The following CACNB2 variants were observed in gnomAD, a reference collection of about 807,000 sequenced individuals.
The protein encoded by CACNB2 is voltage-dependent L-type calcium channel subunit beta-2.
CACNB2 carries 42 observed loss-of-function variants against 73.3 expected under a neutral mutation model. The observed-to-expected ratio is 0.57, with a 90% confidence interval of 0.45 to 0.74. The LOEUF (loss-of-function observed/expected upper bound fraction) is 0.74, where lower values mean the gene tolerates loss of function less well. Among genes scored for constraint, CACNB2 ranks in the 30% least tolerant of loss-of-function variants. The probability of loss-of-function intolerance (pLI) is 0.00; values close to 1 mark genes in which losing one functional copy is unlikely to be tolerated. For missense variants in CACNB2, 940 were observed against 853.0 expected (o/e 1.10, Z -1.27); for synonymous variants, 348 against 310.3 (o/e 1.12, Z -1.28).
At chr10:18,368,634 T>C (rs1337024643) in intron 2 of CACNB2, among the ~76,000 whole-genome samples, 1 of 152,202 alleles carries the variant, frequency 6.6e-6, no homozygotes, top group African/African-American at 2.4e-5. Flanking sequence ...TGTTATTTTT[T>C]TAATAAAAGA....
intron 2 of CACNB2, among the ~76,000 whole-genome samples, chr10:18,370,811 G>A (rs2042548432): frequency 6.6e-6 from 1 of 152,022 alleles, no homozygotes; most frequent in African/African-American, 2.4e-5. Context: ...GGGCATTTAG[G>A]TTGTTTTACA....
At chr10:18,441,958 A>G (rs1319436568) in intron 3 of CACNB2, among the ~76,000 whole-genome samples, 1 of 152,206 alleles carries the variant, frequency 6.6e-6, no homozygotes, top group African/African-American at 2.4e-5. Context: ...TGTTGTATAC[A>G]TATACAGTTA....
At chr10:18,221,299 CTG>C (rs1321844289) in intron 2 of CACNB2, among the ~76,000 whole-genome samples, 4 of 152,154 alleles carry the variant, frequency 2.6e-5, no homozygotes, top group African/African-American at 7.2e-5. Flanking sequence ...TCAGAATTGA[CTG>C]TTACTCATAC....
intron 3 of CACNB2, among the ~76,000 whole-genome samples, chr10:18,416,027 G>A (rs937006709): frequency 1.3e-5 from 2 of 152,032 alleles, no homozygotes; most frequent in African/African-American, 2.4e-5. Context: ...CAGAGTGTCC[G>A]TCACCCAAGT....
At chr10:18,405,001 T>C (rs79464051) in intron 3 of CACNB2, among the ~76,000 whole-genome samples, 2 of 152,238 alleles carry the variant, frequency 1.3e-5, no homozygotes, top group Non-Finnish European at 2.9e-5. Context: ...TGTACAGTTA[T>C]GGCATACTTT....
intron 3 of CACNB2, among the ~76,000 whole-genome samples, chr10:18,452,054 C>T (rs551954015): frequency 3.5e-4 from 53 of 152,330 alleles, no homozygotes; most frequent in African/African-American, 1.3e-3. Flanking sequence ...CTAATTCTAT[C>T]TCCTATAAAA....
At chr10:18,289,893 C>T (rs1193836371) in intron 2 of CACNB2, among the ~76,000 whole-genome samples, 2 of 151,850 alleles carry the variant, frequency 1.3e-5, no homozygotes, top group Non-Finnish European at 2.9e-5. Context: ...TTCTTAGACA[C>T]ATAAGGGCAA....
chr10:18,488,474 C>CAAAAAAAAAAAAAAAAAAAAAAAAA (rs59931967), intron 3 of CACNB2, among the ~76,000 whole-genome samples: 1 of 67,966 alleles, frequency 1.5e-5, no homozygotes, highest in Non-Finnish European at 2.6e-5. Context: ...GACTCCATCT[C>CAAAAAAAAAAAAAAAAAAAAAAAAA]AAAAAAAAAA....
intron 3 of CACNB2, among the ~76,000 whole-genome samples, chr10:18,454,082 T>G (rs898045443): frequency 6.6e-6 from 1 of 152,146 alleles, no homozygotes; most frequent in African/African-American, 2.4e-5. Context: ...ATGAAGACAG[T>G]CTCTATTCTC....
In CACNB2 at chr10:18,433,227, T is replaced by C. The variant is rs558825030; in HGVS notation, c.333+31184T>C. ...AAGATGATCAAGATAGAGTATTTCATGCAAGGGGACCGGCATATTCCCAAG... is the reference window on the plus strand; with the variant it reads ...AAGATGATCAAGATAGAGTATTTCACGCAAGGGGACCGGCATATTCCCAAG... On this transcript the variant is annotated intron_variant, in intron 3 of 13. Coordinates refer to ENST00000324631, the MANE Select transcript of CACNB2 (RefSeq NM_201596.3). Among the ~76,000 whole-genome samples the C allele has an allele frequency of 3.3e-5, 5 of 152,316 alleles. No homozygotes were observed. In the South Asian group the frequency reaches 1.0e-3, roughly 32 times the overall value.
chr10:18,438,716 G>A (rs2046272066), intron 3 of CACNB2, among the ~76,000 whole-genome samples: 1 of 152,230 alleles, frequency 6.6e-6, no homozygotes, highest in Non-Finnish European at 1.5e-5. Flanking sequence ...GGTTTGCTTT[G>A]CTTTAAAACA....
intron 4 of CACNB2, among the ~76,000 whole-genome samples, chr10:18,499,334 AG>A (rs2133019178): frequency 6.6e-6 from 1 of 152,270 alleles, no homozygotes; most frequent in East Asian, 1.9e-4. Context: ...AAAAGAACCT[AG>A]GGCTGGGCCC....
At chr10:18,370,665 T>C (rs545320817) in intron 2 of CACNB2, among the ~76,000 whole-genome samples, 5 of 152,342 alleles carry the variant, frequency 3.3e-5, no homozygotes, top group South Asian at 2.1e-4. Context: ...GAAGTCCTCA[T>C]AGGGCTGGGG....
chr10:18,297,037 T>C (rs2039308432), intron 2 of CACNB2, among the ~76,000 whole-genome samples: 1 of 152,238 alleles, frequency 6.6e-6, no homozygotes, highest in Admixed American at 6.5e-5. Context: ...AAGTAATTTG[T>C]TAAAATCGTT....
chr10:18,220,232 T>TATAGAGAGAGAGAGAGAGAG (rs1488872721), intron 2 of CACNB2, among the ~76,000 whole-genome samples: 1 of 25,084 alleles, frequency 4.0e-5, no homozygotes, highest in Non-Finnish European at 6.2e-5. Context: ...TATATATATA[T>TATAGAGAGAGAGAGAGAGAG]AGAGAGAGAG....
In CACNB2 at chr10:18,536,148, C is replaced by A; in HGVS notation, c.1254C>A (p.His418Gln). The stretch of plus-strand genomic sequence containing the variant: ...CTCGAGGGAAATCTCAAGCTAAACA[C>A]CTCAACGTCCAGATGGTAGCAGCTG... ...IKSRGKSQAK[H>Q]LNVQMVAADK... is the part of the protein sequence containing the mutation. The change falls in exon 12 of 14, where the codon CAC (histidine) becomes CAA (glutamine). Residue 418 changes from histidine to glutamine, a missense_variant. His to Gln is a conservative substitution (Grantham distance 24, BLOSUM62 0). Transcript: ENST00000324631. 2 of 1,611,674 alleles carry A rather than the reference C, an allele frequency of 1.2e-6. No individual in the cohort carries two copies. The highest frequency in any genetic ancestry group is 1.7e-4 in the Middle Eastern group (1 of 6,050).
chr10:18,213,556 T>C (rs1259933607), intron 2 of CACNB2, among the ~76,000 whole-genome samples: 1 of 152,250 alleles, frequency 6.6e-6, no homozygotes, highest in East Asian at 1.9e-4. Flanking sequence ...CTATTTTTCC[T>C]ACTTCTTTCC....
chr10:18,404,281 A>G (rs769525156), intron 3 of CACNB2, among the ~76,000 whole-genome samples: 38 of 152,174 alleles, frequency 2.5e-4, no homozygotes, highest in Non-Finnish European at 5.1e-4. Flanking sequence ...TTATATTAAA[A>G]TCATGGTTTG....
rs188110807 is a variant in CACNB2, at chr10:18,294,948, T to C, written c.214-106976T>C. Among the ~76,000 whole-genome samples, 44 of 152,346 alleles carry C rather than the reference T, an allele frequency of 2.9e-4. 1 individual carries two copies. Among genetic ancestry groups the C allele is most frequent in the African/African-American group, 9.9e-4 (41 of 41,578 alleles). Reference sequence around the variant, plus strand: ...CACCAGTGCCTGCCAATGAAGGTTATAGGTGACAGGAGAGAGGGGGCAGAG... The same window carrying C: ...CACCAGTGCCTGCCAATGAAGGTTACAGGTGACAGGAGAGAGGGGGCAGAG... On this transcript the variant is annotated intron_variant, in intron 2 of 13. Transcript: ENST00000324631.
Sources: gnomAD v4.1 joint callset for allele counts (sites outside exome capture counted in the v4.1 genomes callset) on GRCh38, gnomAD v4.1.1 for gene constraint, MANE v1.5 for transcripts, NCBI Gene and HGNC (gene_info 2026-07-23, HGNC 2026-07-21) for gene names.